Variants in RAPGEF5 observed in about 807,000 individuals in gnomAD.
RAPGEF5 encodes Rap guanine nucleotide exchange factor 5, also known as M-Ras-regulated GEF.
Under a neutral mutation model 125.2 loss-of-function variants are expected in RAPGEF5, and 65 were observed. The observed-to-expected ratio is 0.52, with a 90% CI of 0.43 to 0.64. The LOEUF is 0.64. Among genes scored for constraint, RAPGEF5 ranks in the 30% least tolerant of loss-of-function variants. The probability of loss-of-function intolerance (pLI) is 0.00; values close to 1 mark genes in which losing one functional copy is unlikely to be tolerated. For missense variants in RAPGEF5, 958 were observed against 1,048.1 expected (o/e 0.91, Z 1.19); for synonymous variants, 391 against 385.9 (o/e 1.01, Z -0.16).
intron 11 of RAPGEF5, among the ~76,000 whole-genome samples, chr7:22,187,220 C>G (rs1250100018): frequency 3.3e-5 from 5 of 152,122 alleles, no homozygotes; most frequent in Non-Finnish European, 7.4e-5. Flanking sequence ...TCCCTCCCAC[C>G]TAAAATTCTA....
chr7:22,268,786 T>C (rs1365715565), intron 6 of RAPGEF5, among the ~76,000 whole-genome samples: 1 of 152,224 alleles, frequency 6.6e-6, no homozygotes, highest in Non-Finnish European at 1.5e-5. Context: ...ATTCCCTTTA[T>C]GGGATTCTCA....
Position 22,242,658 on chromosome 7 carries a change from A to G in RAPGEF5, c.797-11739T>C, listed in dbSNP as rs376312899. On this transcript the variant is annotated intron_variant, in intron 7 of 25. Coordinates refer to ENST00000665637, the MANE Select transcript of RAPGEF5 (RefSeq NM_012294.5). ...TCTTAAACAGACTTTTCATTATGAA[A>G]AGAGTTCAAATTGCTGGGCGCGGTG... Among the ~76,000 whole-genome samples the G allele has an allele frequency of 4.6e-5, 7 of 152,172 alleles. No homozygotes were observed. In the East Asian group the frequency reaches 9.6e-4, roughly 21 times the overall value.
chr7:22,341,999 G>A lies in RAPGEF5; in HGVS notation c.231+14831C>T, dbSNP rs546801736. ...TCCCCCAGTAGGGACTCTGTTTAGG[G>A]GCTCCCACCCCACATTCCCCTTCCA... On this transcript the variant is annotated intron_variant, in intron 1 of 25. Transcript: ENST00000665637. Among the ~76,000 whole-genome samples, 4 of 152,244 alleles carry A rather than the reference G, an allele frequency of 2.6e-5. No individual in the cohort carries two copies. In the South Asian group the frequency reaches 6.2e-4, roughly 24 times the overall value.
At chr7:22,128,997 A>G (rs1451890212) in intron 24 of RAPGEF5, among the ~76,000 whole-genome samples, 1 of 152,016 alleles carries the variant, frequency 6.6e-6, no homozygotes, top group Non-Finnish European at 1.5e-5. Context: ...TTCCAGCCCT[A>G]TGGTTAGTTG....
chr7:22,193,557 A>C (rs1785064726), intron 10 of RAPGEF5, 102 bp from the exon 11 acceptor site: 6 of 1,551,664 alleles, frequency 3.9e-6, no homozygotes, highest in Middle Eastern at 1.7e-4. Flanking sequence ...ATTTGAAATA[A>C]GGCACATCGA....
At chr7:22,307,725 T>G (rs1014118610) in intron 5 of RAPGEF5, among the ~76,000 whole-genome samples, 1 of 152,188 alleles carries the variant, frequency 6.6e-6, no homozygotes, top group Non-Finnish European at 1.5e-5. Flanking sequence ...GACACTGAAG[T>G]GTTCTGCATA....
At chr7:22,292,752 C>T (rs982369465) in intron 5 of RAPGEF5, among the ~76,000 whole-genome samples, 1 of 152,220 alleles carries the variant, frequency 6.6e-6, no homozygotes, top group Non-Finnish European at 1.5e-5. Flanking sequence ...GCTTCTGCTG[C>T]TTTGTCTGTG....
chr7:22,140,213 G>T, intron 20 of RAPGEF5, 98 bp from the exon 21 acceptor site: 1 of 1,107,762 alleles, frequency 9.0e-7, no homozygotes, highest in Non-Finnish European at 1.3e-6. Flanking sequence ...AGGCCACAGA[G>T]CTCAGGAATT....
At chr7:22,344,372 G>T (rs1319662268) in intron 1 of RAPGEF5, among the ~76,000 whole-genome samples, 2 of 152,144 alleles carry the variant, frequency 1.3e-5, no homozygotes, top group African/African-American at 2.4e-5. Flanking sequence ...AGCACAAAGG[G>T]ACCAGTCATG....
intron 11 of RAPGEF5, among the ~76,000 whole-genome samples, chr7:22,188,311 G>A (rs1784883681): frequency 6.6e-6 from 1 of 152,090 alleles, no homozygotes; most frequent in Non-Finnish European, 1.5e-5. Flanking sequence ...TCTTTCCAAG[G>A]GGAAGAAGAA....
chr7:22,252,400 A>AT lies in RAPGEF5; in HGVS notation c.796+14563dup, dbSNP rs143113895. Among the ~76,000 whole-genome samples the AT allele has an allele frequency of 1.1e-3, 162 of 152,346 alleles. 1 individual carries two copies. Among genetic ancestry groups the AT allele is most frequent in the African/African-American group, 3.8e-3 (159 of 41,590 alleles). ...ACAGCTTGACTGAAGTGCCCCAAGT[A>AT]TTTTTGAAAACCAAGACCTCAAAAA... On this transcript the variant is annotated intron_variant, in intron 7 of 25. Transcript: ENST00000665637.
intron 2 of RAPGEF5, among the ~76,000 whole-genome samples, chr7:22,315,865 T>C (rs1181019977): frequency 2.6e-5 from 4 of 152,142 alleles, no homozygotes; most frequent in Non-Finnish European, 5.9e-5. Context: ...AGTCTGCATA[T>C]TGATAATGCA....
chr7:22,126,684 G>C (rs1268806683), intron 24 of RAPGEF5, among the ~76,000 whole-genome samples: 1 of 152,078 alleles, frequency 6.6e-6, no homozygotes, highest in East Asian at 1.9e-4. Context: ...TGTGATCTTG[G>C]CTCACTGCAA....
In RAPGEF5 at chr7:22,166,021, C is replaced by G. The variant is rs528926166; in HGVS notation, c.1283+1049G>C. Among the ~76,000 whole-genome samples the G allele has an allele frequency of 4.7e-5, 7 of 147,398 alleles. No homozygotes were observed. The South Asian group carries it at 1.5e-3, about 31-fold the overall frequency. ...ATATATATATACACCAAATATCTATCTATCTATATACCAAATATATATATG... is the reference window on the plus strand; with the variant it reads ...ATATATATATACACCAAATATCTATGTATCTATATACCAAATATATATATG... On this transcript the variant is annotated intron_variant, in intron 12 of 25. Transcript: ENST00000665637.
chr7:22,157,885 G>C lies in RAPGEF5; in HGVS notation c.1527C>G (p.His509Gln). The C allele has an allele frequency of 6.2e-7, 1 of 1,611,380 alleles. No individual in the cohort carries two copies. The highest frequency in any genetic ancestry group is 8.5e-7 in the Non-Finnish European group (1 of 1,177,712). The stretch of plus-strand genomic sequence containing the variant: ...TTTGTGGTGAATATTCATCTACAGT[G>C]CTGAAAGGAAAAATGGCAAGAAGTC... ...FQKILGMHRR[H>Q]TVDEYSPQKK... The change falls in exon 15 of 26, where the codon CAC becomes CAG. Residue 509 changes from histidine (H) to glutamine (Q), a missense_variant and splice_region_variant. By Grantham distance (24) the His-to-Gln change is conservative. Coordinates refer to ENST00000665637, the MANE Select transcript of RAPGEF5 (RefSeq NM_012294.5).
At chr7:22,134,712 C>A (rs553382838) in intron 23 of RAPGEF5, among the ~76,000 whole-genome samples, 109 of 152,306 alleles carry the variant, frequency 7.2e-4, no homozygotes, top group African/African-American at 2.6e-3. Flanking sequence ...CCAAGTGTTA[C>A]TTCCCACCTG....
intron 6 of RAPGEF5, among the ~76,000 whole-genome samples, chr7:22,270,141 A>T (rs1386147664): frequency 6.6e-6 from 1 of 152,210 alleles, no homozygotes; most frequent in Admixed American, 6.5e-5. Context: ...CTGAAAGGCG[A>T]ACAATGAATG....
chr7:22,317,545 A>G (rs1489202692), intron 2 of RAPGEF5, among the ~76,000 whole-genome samples: 2 of 152,168 alleles, frequency 1.3e-5, no homozygotes, highest in African/African-American at 2.4e-5. Context: ...CAGCCAAAAA[A>G]TGCAACTCTT....
chr7:22,350,476 T>C (rs1784310245), intron 1 of RAPGEF5, among the ~76,000 whole-genome samples: 1 of 152,214 alleles, frequency 6.6e-6, no homozygotes, highest in Admixed American at 6.5e-5. Context: ...ACATAACTAT[T>C]TAAGTTCCAA....
Sources: allele counts gnomAD v4.1 joint callset (sites outside exome capture counted in the v4.1 genomes callset), GRCh38; gene constraint gnomAD v4.1.1; transcripts MANE v1.5; gene names NCBI Gene and HGNC (gene_info 2026-07-23, HGNC 2026-07-21).